The following YWHAE variants were observed in gnomAD, a reference collection of about 807,000 sequenced individuals.
The protein encoded by YWHAE is tyrosine 3-monooxygenase/tryptophan 5-monooxygenase activation protein epsilon.
A neutral mutation model predicts 30.1 loss-of-function variants in YWHAE; 4 were observed. The observed-to-expected ratio is 0.13, with a 90% CI of 0.07 to 0.30. The LOEUF (loss-of-function observed/expected upper bound fraction) is 0.30, where lower values mean the gene tolerates loss of function less well. Among genes scored for constraint, YWHAE ranks in the 10% least tolerant of loss-of-function variants. The probability of loss-of-function intolerance (pLI) is 1.00; values close to 1 mark genes in which losing one functional copy is unlikely to be tolerated. For synonymous variants in YWHAE, 118 were observed against 111.8 expected, an observed-to-expected ratio of 1.06 and a Z score of -0.35; for missense variants, 121 against 315.9, an observed-to-expected ratio of 0.38 and a Z score of 4.68.
chr17:1,397,142 A>C (rs888543731), intron 1 of YWHAE, among the ~76,000 whole-genome samples: 1 of 151,028 alleles, frequency 6.6e-6, no homozygotes, highest in African/African-American at 2.4e-5. Context: ...CAGGTGATCC[A>C]CCCGCCTCGA....
chr17:1,348,056 A>T, intron 5 of YWHAE: 2 of 939,066 alleles, frequency 2.1e-6, no homozygotes, highest in African/African-American at 3.5e-5. Context: ...TGAAAGCAAC[A>T]TTACAAGAAA....
At chr17:1,358,359 C>T (rs2072794335) in intron 4 of YWHAE, among the ~76,000 whole-genome samples, 1 of 152,132 alleles carries the variant, frequency 6.6e-6, no homozygotes, top group Non-Finnish European at 1.5e-5. Flanking sequence ...CCTGCCTCAG[C>T]CTCCCGAGTA....
intron 1 of YWHAE, among the ~76,000 whole-genome samples, chr17:1,371,939 A>G (rs1041925788): frequency 6.6e-6 from 1 of 151,250 alleles, no homozygotes; most frequent in Non-Finnish European, 1.5e-5. Flanking sequence ...CCTGGGCTGA[A>G]GCGATTCTCC....
chr17:1,375,232 C>G (rs761997076), intron 1 of YWHAE, among the ~76,000 whole-genome samples: 1 of 152,132 alleles, frequency 6.6e-6, no homozygotes, highest in Non-Finnish European at 1.5e-5. Flanking sequence ...ACACCAGCAA[C>G]AGAAACATAA....
Position 1,361,721 on chromosome 17 carries a change from A to G in YWHAE, c.371+181T>C, listed in dbSNP as rs1204955488. The G allele has an allele frequency of 5.7e-6, 3 of 523,388 alleles. No individual in the cohort carries two copies. The African/African-American group carries it at 5.9e-5, about 10-fold the overall frequency. The allele number at this position is 523,388 out of a possible 1,614,324, so 32.4% of individuals were successfully genotyped here. Reference sequence around the variant, plus strand: ...GTCTCACAAAAACAAAAGAATATAAATAAGCAAAAGCTAATACATTTTCAT... The same window carrying G: ...GTCTCACAAAAACAAAAGAATATAAGTAAGCAAAAGCTAATACATTTTCAT... On this transcript the variant is annotated intron_variant, in intron 3 of 5. Coordinates refer to ENST00000264335, the MANE Select transcript of YWHAE (RefSeq NM_006761.5).
intron 5 of YWHAE, among the ~76,000 whole-genome samples, chr17:1,349,947 T>A: frequency 9.0e-6 from 1 of 111,372 alleles, no homozygotes; most frequent in African/African-American, 4.2e-5. Flanking sequence ...ACTGCGAAAG[T>A]ATTACCCTGT....
At chr17:1,358,829 TAA>T (rs35681702) in intron 4 of YWHAE, among the ~76,000 whole-genome samples, 7 of 111,318 alleles carry the variant, frequency 6.3e-5, no homozygotes, top group Non-Finnish European at 5.4e-5. Context: ...GACTCCATCT[TAA>T]AAAAAAAAAA....
At chr17:1,360,377 C>T (rs2150848991) in intron 4 of YWHAE, among the ~76,000 whole-genome samples, 1 of 152,306 alleles carries the variant, frequency 6.6e-6, no homozygotes, top group African/African-American at 2.4e-5. Context: ...CAGTTTAACA[C>T]ACATTAGTAA....
intron 1 of YWHAE, among the ~76,000 whole-genome samples, chr17:1,389,081 T>A (rs936783032): frequency 4.6e-5 from 7 of 152,136 alleles, no homozygotes; most frequent in African/African-American, 1.4e-4. Flanking sequence ...TCTTACCACC[T>A]TGGCCTCCCA....
Position 1,374,694 on chromosome 17 carries a change from C to T in YWHAE, c.65-9636G>A, listed in dbSNP as rs145970289. ...CTTGATAACTAATAGTGTTGAACACCTTTTCATGTGCTTATGAGCCTTTTG... is the reference window on the plus strand; with the variant it reads ...CTTGATAACTAATAGTGTTGAACACTTTTTCATGTGCTTATGAGCCTTTTG... On this transcript the variant is annotated intron_variant, in intron 1 of 5. Coordinates refer to ENST00000264335, the MANE Select transcript of YWHAE (RefSeq NM_006761.5). Among the ~76,000 whole-genome samples the T allele has an allele frequency of 2.3e-3, 349 of 152,272 alleles. 1 individual carries two copies. The highest frequency in any genetic ancestry group is 8.2e-3 in the African/African-American group (339 of 41,538).
At position 1,346,947 on chromosome 17, in the gene YWHAE, T is replaced by C. The variant is rs577509945; in HGVS notation, c.716-1448A>G. Among the ~76,000 whole-genome samples, 409 of 143,832 alleles carry C rather than the reference T, an allele frequency of 2.8e-3. 3 individuals are homozygous for C. The highest frequency in any genetic ancestry group is 1.2e-3 in the East Asian group (6 of 4,930). 94.4% of individuals were successfully genotyped at this position (143,832 alleles called of 152,430 possible). ...CGGAGGTTGCAGCGAGCCAAGAACA[T>C]GCCACTACACTCCAGCCTGGGTAAC... is the stretch of plus-strand genomic sequence containing the variant. On this transcript the variant is annotated intron_variant, in intron 5 of 5. Coordinates refer to ENST00000264335, the MANE Select transcript of YWHAE (RefSeq NM_006761.5).
At chr17:1,399,949 T>C in intron 1 of YWHAE, 98 bp downstream of exon 1, 1 of 1,481,482 alleles carries the variant, frequency 6.7e-7, no homozygotes, top group Non-Finnish European at 9.4e-7. Flanking sequence ...CGGGCCAGGC[T>C]CGCAGACGAT....
At chr17:1,357,062 G>A (rs959978434) in intron 4 of YWHAE, among the ~76,000 whole-genome samples, 13 of 151,548 alleles carry the variant, frequency 8.6e-5, no homozygotes, top group Admixed American at 8.5e-4. Context: ...GAGGTCAGGA[G>A]ATCGAGACCA....
intron 1 of YWHAE, among the ~76,000 whole-genome samples, chr17:1,381,326 C>T (rs1305764665): frequency 6.6e-6 from 1 of 151,664 alleles, no homozygotes; most frequent in Admixed American, 6.6e-5. Context: ...ACCAGCCTGA[C>T]CAACATGGAG....
intron 5 of YWHAE, among the ~76,000 whole-genome samples, chr17:1,348,436 T>A (rs1200379249): frequency 6.6e-6 from 1 of 152,144 alleles, no homozygotes; most frequent in Non-Finnish European, 1.5e-5. Context: ...GGGACAGACA[T>A]TAACATATTC....
chr17:1,383,383 G>C (rs2073246787), intron 1 of YWHAE, among the ~76,000 whole-genome samples: 1 of 130,936 alleles, frequency 7.6e-6, no homozygotes, highest in South Asian at 2.4e-4. Context: ...TTCACATACT[G>C]TTTAACTTTT....
intron 1 of YWHAE, among the ~76,000 whole-genome samples, chr17:1,365,830 A>AG (rs765721222): frequency 1.3e-5 from 2 of 152,186 alleles, no homozygotes; most frequent in Non-Finnish European, 2.9e-5. Flanking sequence ...TCTGCATTTT[A>AG]GGGCCAGGAG....
At chr17:1,355,487 C>T (rs2072725608) in intron 4 of YWHAE, among the ~76,000 whole-genome samples, 1 of 151,668 alleles carries the variant, frequency 6.6e-6, no homozygotes, top group Non-Finnish European at 1.5e-5. Context: ...TTGGACAATA[C>T]CTCAAAGTTT....
rs375495940 is a variant in YWHAE, at chr17:1,350,010, C to T, written c.715+4201G>A. ...TCTTGTTGCCCAGGCTGGAGTGCAA[C>T]GGCGCGATCTCAGTTGATCACAACC... On this transcript the variant is annotated intron_variant, in intron 5 of 5. Coordinates refer to ENST00000264335, the MANE Select transcript of YWHAE (RefSeq NM_006761.5). Among the ~76,000 whole-genome samples, 109 of 147,530 alleles carry T rather than the reference C, an allele frequency of 7.4e-4. 2 individuals are homozygous for T. The South Asian group carries it at 0.022, about 30-fold the overall frequency.
Sources: allele counts gnomAD v4.1 joint callset (sites outside exome capture counted in the v4.1 genomes callset), GRCh38; gene constraint gnomAD v4.1.1; transcripts MANE v1.5; gene names NCBI Gene and HGNC (gene_info 2026-07-23, HGNC 2026-07-21).